The following ANO5 variants were observed in gnomAD, a reference collection of about 807,000 sequenced individuals.
ANO5 encodes the protein anoctamin-5.
Under a neutral mutation model 121.0 loss-of-function variants are expected in ANO5, and 109 were observed. The observed-to-expected ratio is 0.90, with a 90% CI of 0.77 to 1.06. The LOEUF (loss-of-function observed/expected upper bound fraction) is 1.06. Ranked by LOEUF, ANO5 falls within the 50% of genes least tolerant of loss-of-function variation. The pLI is 0.00. For missense variants in ANO5, 1,064 were observed against 1,078.5 expected, an observed-to-expected ratio of 0.99 and a Z score of 0.19; for synonymous variants, 406 against 359.9, an observed-to-expected ratio of 1.13 and a Z score of -1.45.
chr11:22,204,986 T>C (rs971673292), intron 2 of ANO5, among the ~76,000 whole-genome samples: 5 of 152,080 alleles, frequency 3.3e-5, no homozygotes, highest in African/African-American at 4.8e-5. Context: ...GAAAATGTGA[T>C]ACATATATAT....
In ANO5 at chr11:22,208,958, T is replaced by C. The variant is rs554366594; in HGVS notation, c.88-2306T>C. On this transcript the variant is annotated intron_variant, in intron 2 of 21. Coordinates refer to ENST00000324559, the MANE Select transcript of ANO5 (RefSeq NM_213599.3). ...TCTATGGGCAGGAGGCAGGCAATTT[T>C]CAAAAAAAATAAGTATTATAGCATA... is the stretch of plus-strand genomic sequence containing the variant. Among the ~76,000 whole-genome samples the C allele has an allele frequency of 6.0e-4, 91 of 151,842 alleles. 1 individual carries two copies. Among genetic ancestry groups the C allele is most frequent in the African/African-American group, 2.1e-3 (87 of 41,476 alleles).
Position 22,239,779 on chromosome 11 carries a change from A to T in ANO5, c.878+95A>T, listed in dbSNP as rs113355300. 3 of 906,240 alleles carry T rather than the reference A, an allele frequency of 3.3e-6. No homozygotes were observed. In the African/African-American group the frequency reaches 5.0e-5, roughly 15 times the overall value. 56.1% of individuals were successfully genotyped at this position (906,240 alleles called of 1,614,324 possible). On this transcript the variant is annotated intron_variant, in intron 9 of 21. Transcript: ENST00000324559. Reference sequence around the variant, plus strand: ...ATTTTTTTTACTACTATTTTCTCCCACTACATTTCACAACTTCTTGATTTC... The same window carrying T: ...ATTTTTTTTACTACTATTTTCTCCCTCTACATTTCACAACTTCTTGATTTC...
chr11:22,269,224 GAAA>G lies in ANO5; in HGVS notation c.1899-1087_1899-1085del, dbSNP rs1385754058. Reference sequence around the variant, plus strand: ...GGAAGAGAAGGGAAGAAGGAAAGAAGAAAGGAAGGAAGGAAGGAGAAAAAAAGA... The same window carrying G: ...GGAAGAGAAGGGAAGAAGGAAAGAAGGGAAGGAAGGAAGGAGAAAAAAAGA... On this transcript the variant is annotated intron_variant, in intron 17 of 21. Transcript: ENST00000324559. Among the ~76,000 whole-genome samples the G allele has an allele frequency of 2.0e-4, 25 of 122,958 alleles. 1 individual carries two copies. Among genetic ancestry groups the G allele is most frequent in the African/African-American group, 7.6e-4 (22 of 29,112 alleles). The allele number at this position is 122,958 out of a possible 152,430, so 80.7% of individuals were successfully genotyped here.
intron 12 of ANO5, among the ~76,000 whole-genome samples, chr11:22,253,401 T>G (rs953815888): frequency 6.6e-6 from 1 of 152,136 alleles, no homozygotes; most frequent in African/African-American, 2.4e-5. Context: ...TAACAAACTT[T>G]GAGACAAGAA....
At chr11:22,262,421 T>A in intron 16 of ANO5, 123 bp downstream of exon 16, 1 of 997,946 alleles carries the variant, frequency 1.0e-6, no homozygotes, top group Non-Finnish European at 1.5e-6. Flanking sequence ...ACTGACTCTA[T>A]CCACAGAGAG....
chr11:22,279,989 T>C lies in ANO5; in HGVS notation c.*224T>C, dbSNP rs1855024269. On this transcript the variant is annotated 3_prime_UTR_variant, in exon 22 of 22. Transcript: ENST00000324559. ...TTGACTGGGCCCTCTCCAGATGTTGTTTTCTGAGGTGCTGTAAATGACTGT... is the reference window on the plus strand; with the variant it reads ...TTGACTGGGCCCTCTCCAGATGTTGCTTTCTGAGGTGCTGTAAATGACTGT... 7.5e-6 allele frequency: 4 copies of C among 535,462 alleles called. No individual in the cohort carries two copies. Among genetic ancestry groups the C allele is most frequent in the Non-Finnish European group, 1.3e-5 (4 of 302,590 alleles). 33.2% of individuals were successfully genotyped at this position (535,462 alleles called of 1,614,324 possible).
At chr11:22,220,735 C>CAA (rs1336372405) in intron 4 of ANO5, among the ~76,000 whole-genome samples, 6 of 151,914 alleles carry the variant, frequency 3.9e-5, no homozygotes, top group Admixed American at 3.9e-4. Flanking sequence ...ATTATACCCC[C>CAA]AAAGTTGTGT....
In ANO5 at chr11:22,270,228, CA is replaced by C; in HGVS notation, c.1899-83del. On this transcript the variant is annotated intron_variant, in intron 17 of 21. Coordinates refer to ENST00000324559, the MANE Select transcript of ANO5 (RefSeq NM_213599.3). ...AAGTTATTTAATCTCTAATTTCTGC[CA>C]GTTTCCAGATCTAACACTCTGATTC... is the stretch of plus-strand genomic sequence containing the variant. The C allele has an allele frequency of 4.6e-6, 7 of 1,528,334 alleles. No homozygotes were observed. The South Asian group carries it at 6.9e-5, about 15-fold the overall frequency. 94.7% of individuals were successfully genotyped at this position (1,528,334 alleles called of 1,614,324 possible).
intron 5 of ANO5, among the ~76,000 whole-genome samples, chr11:22,221,492 T>C (rs1852650260): frequency 6.6e-6 from 1 of 152,006 alleles, no homozygotes; most frequent in Admixed American, 6.6e-5. Context: ...CATCCAAAAT[T>C]TGAGGTATGT....
intron 7 of ANO5, among the ~76,000 whole-genome samples, chr11:22,233,973 G>A (rs552758345): frequency 1.3e-5 from 2 of 151,906 alleles, no homozygotes; most frequent in South Asian, 4.2e-4. Flanking sequence ...TTATCTTCAG[G>A]ATAACACTGG....
At chr11:22,202,148 A>G (rs920936473) in intron 1 of ANO5, among the ~76,000 whole-genome samples, 2 of 141,326 alleles carry the variant, frequency 1.4e-5, no homozygotes, top group Admixed American at 1.4e-4. Flanking sequence ...GCTATGACCC[A>G]TAAATCTGCT....
At chr11:22,249,079 T>A (rs1853714340) in intron 9 of ANO5, among the ~76,000 whole-genome samples, 1 of 151,998 alleles carries the variant, frequency 6.6e-6, no homozygotes. Flanking sequence ...TAATTTAATT[T>A]CAAGTTTATA....
At chr11:22,252,948 T>A (rs1329189463) in intron 12 of ANO5, among the ~76,000 whole-genome samples, 3 of 152,166 alleles carry the variant, frequency 2.0e-5, no homozygotes, top group Non-Finnish European at 4.4e-5. Context: ...CATGCCTCCA[T>A]GATTGCAATT....
At chr11:22,201,858 T>C (rs1851974614) in intron 1 of ANO5, among the ~76,000 whole-genome samples, 1 of 152,194 alleles carries the variant, frequency 6.6e-6, no homozygotes, top group South Asian at 2.1e-4. Flanking sequence ...CATTGTTGCA[T>C]TGCAGATTGT....
At chr11:22,196,718 A>C (rs1211711665) in intron 1 of ANO5, among the ~76,000 whole-genome samples, 1 of 152,084 alleles carries the variant, frequency 6.6e-6, no homozygotes, top group Non-Finnish European at 1.5e-5. Context: ...AAAATACAAA[A>C]ATTAGCTGGG....
chr11:22,270,680 A>C lies in ANO5; in HGVS notation c.2029+238A>C, dbSNP rs7925231. Among the ~76,000 whole-genome samples the C allele has an allele frequency of 0.017, 2,521 of 152,298 alleles. 69 individuals carry two copies. Among genetic ancestry groups the C allele is most frequent in the African/African-American group, 0.057 (2,379 of 41,558 alleles). ...CAATCTCAGAGACATAATTCCTGTT[A>C]ATTGAATGTTAATATTGTTGAACCA... is the stretch of plus-strand genomic sequence containing the variant. On this transcript the variant is annotated intron_variant, in intron 18 of 21. Transcript: ENST00000324559.
intron 5 of ANO5, among the ~76,000 whole-genome samples, chr11:22,224,193 C>T (rs1317363298): frequency 6.6e-6 from 1 of 151,984 alleles, no homozygotes; most frequent in Non-Finnish European, 1.5e-5. Context: ...CTTTCCTTAT[C>T]TTACACTGAT....
intron 2 of ANO5, among the ~76,000 whole-genome samples, chr11:22,207,163 T>C (rs912949291): frequency 1.3e-5 from 2 of 152,096 alleles, no homozygotes; most frequent in Non-Finnish European, 2.9e-5. Context: ...AAAATATCTG[T>C]ATGACATTTC....
chr11:22,271,245 G>C (rs1180864328), intron 18 of ANO5, among the ~76,000 whole-genome samples: 1 of 152,006 alleles, frequency 6.6e-6, no homozygotes, highest in Non-Finnish European at 1.5e-5. Flanking sequence ...TAGTAGAGTC[G>C]GGGTTTCACC....
Sources: gnomAD v4.1 joint callset for allele counts (sites outside exome capture counted in the v4.1 genomes callset) on GRCh38, gnomAD v4.1.1 for gene constraint, MANE v1.5 for transcripts, NCBI Gene and HGNC (gene_info 2026-07-23, HGNC 2026-07-21) for gene names.